Variants in PSMB7 observed in about 807,000 individuals in gnomAD.
The protein encoded by PSMB7 is proteasome 20S subunit beta 7.
PSMB7 carries 5 observed loss-of-function variants against 28.1 expected under a neutral mutation model. That is an observed-to-expected ratio of 0.18 (90% CI 0.09 to 0.37). The LOEUF (loss-of-function observed/expected upper bound fraction) is 0.37. Among genes scored for constraint, PSMB7 ranks in the 10% least tolerant of loss-of-function variants. The probability of loss-of-function intolerance (pLI) is 1.00; values close to 1 mark genes in which losing one functional copy is unlikely to be tolerated. For synonymous variants in PSMB7, 122 were observed against 123.7 expected, an observed-to-expected ratio of 0.99 and a Z score of 0.09; for missense variants, 275 against 346.2, an observed-to-expected ratio of 0.79 and a Z score of 1.63.
chr9:124,377,504 C>G (rs1017250984), intron 6 of PSMB7, among the ~76,000 whole-genome samples: 23 of 152,346 alleles, frequency 1.5e-4, no homozygotes, highest in African/African-American at 5.5e-4. Flanking sequence ...AAAACACACA[C>G]ACAGTTACTT....
intron 3 of PSMB7, among the ~76,000 whole-genome samples, chr9:124,413,672 G>A (rs141280074): frequency 3.4e-4 from 52 of 152,328 alleles, no homozygotes; most frequent in Non-Finnish European, 5.9e-4. Flanking sequence ...AAGGATAGGA[G>A]GGAATGGATT....
At chr9:124,415,092 T>C (rs1299318149) in intron 1 of PSMB7, 157 bp from the exon 2 acceptor site, 1 of 636,482 alleles carries the variant, frequency 1.6e-6, no homozygotes, top group East Asian at 2.7e-5. Context: ...TTCTCCCGTT[T>C]TCCAACGAAG....
At chr9:124,379,427 G>A (rs572524198) in intron 6 of PSMB7, among the ~76,000 whole-genome samples, 1 of 152,240 alleles carries the variant, frequency 6.6e-6, no homozygotes, top group South Asian at 2.1e-4. Flanking sequence ...GAAGAATTCA[G>A]GCTCACAGCA....
At chr9:124,364,722 C>T (rs1425757056) in intron 6 of PSMB7, among the ~76,000 whole-genome samples, 1 of 152,120 alleles carries the variant, frequency 6.6e-6, no homozygotes, top group Non-Finnish European at 1.5e-5. Flanking sequence ...CACCTGAAAA[C>T]ACAGAGAAAT....
chr9:124,391,748 T>C (rs367641047), intron 5 of PSMB7, among the ~76,000 whole-genome samples: 1 of 152,342 alleles, frequency 6.6e-6, no homozygotes, highest in East Asian at 1.9e-4. Flanking sequence ...AAACTAACTT[T>C]TTCTGAGCGA....
At chr9:124,382,364 C>T (rs1463154378) in intron 6 of PSMB7, among the ~76,000 whole-genome samples, 3 of 151,230 alleles carry the variant, frequency 2.0e-5, no homozygotes, top group Non-Finnish European at 3.0e-5. Flanking sequence ...CCCGGTACCA[C>T]GTCCGGCTAA....
At chr9:124,354,222 A>T (rs542442223) in intron 7 of PSMB7, among the ~76,000 whole-genome samples, 1 of 152,248 alleles carries the variant, frequency 6.6e-6, no homozygotes, top group Non-Finnish European at 1.5e-5. Context: ...ACCACTCTCA[A>T]GTCTCAAGAA....
chr9:124,392,868 G>C (rs1316309302), intron 5 of PSMB7, among the ~76,000 whole-genome samples: 1 of 152,224 alleles, frequency 6.6e-6, no homozygotes, highest in African/African-American at 2.4e-5. Flanking sequence ...CCAAGGACCT[G>C]TTTGCCACCA....
intron 6 of PSMB7, among the ~76,000 whole-genome samples, chr9:124,358,786 TCTG>T (rs1030919228): frequency 3.3e-5 from 5 of 152,256 alleles, no homozygotes; most frequent in Non-Finnish European, 7.3e-5. Flanking sequence ...AACTGTCTCC[TCTG>T]CTTTGTTTCT....
chr9:124,357,893 G>T (rs981597777), intron 6 of PSMB7, among the ~76,000 whole-genome samples: 1 of 152,182 alleles, frequency 6.6e-6, no homozygotes, highest in African/African-American at 2.4e-5. Flanking sequence ...GCTTCAGGGA[G>T]GGCTGAAGGA....
At chr9:124,357,274 C>T (rs527985874) in intron 6 of PSMB7, among the ~76,000 whole-genome samples, 102 of 152,262 alleles carry the variant, frequency 6.7e-4, no homozygotes, top group African/African-American at 2.3e-3. Context: ...AACTCTGTCA[C>T]GCTAGCACAA....
chr9:124,405,200 G>A (rs1830951368), intron 5 of PSMB7, 117 bp downstream of exon 5: 1 of 679,278 alleles, frequency 1.5e-6, no homozygotes. Flanking sequence ...TATATTTGCT[G>A]AATGAATCAA....
chr9:124,377,842 A>T (rs938581959), intron 6 of PSMB7, among the ~76,000 whole-genome samples: 1 of 152,204 alleles, frequency 6.6e-6, no homozygotes, highest in Non-Finnish European at 1.5e-5. Flanking sequence ...CGGTATTGCA[A>T]CCAGAGAAAG....
Position 124,356,662 on chromosome 9 carries a change from A to C in PSMB7, c.722+102T>G. The C allele has an allele frequency of 7.5e-7, 1 of 1,339,360 alleles. No individual in the cohort carries two copies. The highest frequency in any genetic ancestry group is 1.0e-6 in the Non-Finnish European group (1 of 971,670). 83.0% of individuals were successfully genotyped at this position (1,339,360 alleles called of 1,614,324 possible). A position where few individuals can be genotyped will look rare whatever the true frequency, so the allele number is the denominator to read the frequency against. On this transcript the variant is annotated intron_variant, in intron 7 of 7. Coordinates refer to ENST00000259457, the MANE Select transcript of PSMB7 (RefSeq NM_002799.4). This position sits in a 1 kb window ranked among gnomAD's most constrained non-coding sequence, Gnocchi z 4.4. ...TGATTTGGGAACACTGGATGTACTT[A>C]ATGTGGAAAGAACCAGGAAAACTCC...
intron 4 of PSMB7, among the ~76,000 whole-genome samples, chr9:124,408,979 G>A (rs1362987073): frequency 1.3e-5 from 2 of 152,162 alleles, no homozygotes; most frequent in Admixed American, 6.5e-5. Flanking sequence ...CTATACTACA[G>A]TCAGTACAAC....
intron 3 of PSMB7, among the ~76,000 whole-genome samples, chr9:124,413,539 A>C (rs1831053395): frequency 1.3e-5 from 2 of 152,248 alleles, no homozygotes; most frequent in South Asian, 4.1e-4. Flanking sequence ...AGGATGCCTA[A>C]GAGAGGCCAA....
chr9:124,374,082 T>C (rs900932056), intron 6 of PSMB7, among the ~76,000 whole-genome samples: 1 of 152,194 alleles, frequency 6.6e-6, no homozygotes, highest in African/African-American at 2.4e-5. Context: ...AAAATACTGA[T>C]ATATGCTACA....
chr9:124,353,669 G>C lies in PSMB7; in HGVS notation c.763C>G (p.Leu255Val). 2 of 1,614,048 alleles carry C rather than the reference G, an allele frequency of 1.2e-6. No homozygotes were observed. The highest frequency in any genetic ancestry group is 4.5e-5 in the East Asian group (2 of 44,888). The change falls in exon 8 of 8, where the codon CTC becomes GTC. Residue 255 changes from leucine to valine, a missense_variant. Transcript: ENST00000259457. The part of the protein sequence containing the change: ...YRCEKGTTAV[L>V]TEKITPLEIE... ...TCCAGAGGAGTGATTTTCTCAGTGA[G>C]GACTGCAGTAGTCCCTTTCTCACAC...
intron 6 of PSMB7, among the ~76,000 whole-genome samples, chr9:124,378,777 CAT>C (rs906063333): frequency 2.0e-5 from 3 of 152,158 alleles, no homozygotes; most frequent in African/African-American, 4.8e-5. Flanking sequence ...AAATAAAACC[CAT>C]GTTTCATTTT....
Sources: gnomAD v4.1 joint callset for allele counts (sites outside exome capture counted in the v4.1 genomes callset) on GRCh38, gnomAD v4.1.1 for gene constraint, Gnocchi (gnomAD v3.1) non-coding constraint, MANE v1.5 for transcripts, NCBI Gene and HGNC (gene_info 2026-07-23, HGNC 2026-07-21) for gene names.